Variants in LINGO2 observed in about 807,000 individuals in gnomAD.
The protein encoded by LINGO2 is leucine-rich repeat and immunoglobulin-like domain-containing nogo receptor-interacting protein 2.
Under a neutral mutation model 30.6 loss-of-function variants are expected in LINGO2, and 14 were observed. That is an observed-to-expected ratio of 0.46 (90% CI 0.30 to 0.72). The LOEUF (loss-of-function observed/expected upper bound fraction) is 0.72, where lower values mean the gene tolerates loss of function less well. Among genes scored for constraint, LINGO2 ranks in the 30% least tolerant of loss-of-function variants. The pLI, the probability that LINGO2 is intolerant of heterozygous loss-of-function variation, is 0.07. For synonymous variants in LINGO2, 317 were observed against 288.5 expected, an observed-to-expected ratio of 1.10 and a Z score of -1.00; for missense variants, 729 against 751.7, an observed-to-expected ratio of 0.97 and a Z score of 0.35.
At chr9:28,887,306 G>C in the LINGO2 span, among the ~76,000 whole-genome samples, 1 of 151,820 alleles carries the variant, frequency 6.6e-6, no homozygotes, top group Non-Finnish European at 1.5e-5. Flanking sequence ...GAAAGTCAAG[G>C]GTCAGATGAG....
intron 1 of LINGO2, among the ~76,000 whole-genome samples, chr9:28,520,233 T>C (rs541957765): frequency 1.3e-5 from 2 of 152,258 alleles, no homozygotes; most frequent in East Asian, 3.9e-4. Context: ...CAGGTGTCTT[T>C]GTTTTAGTCT....
chr9:28,387,494 T>C (rs1821635430), intron 2 of LINGO2, among the ~76,000 whole-genome samples: 1 of 152,218 alleles, frequency 6.6e-6, no homozygotes, highest in South Asian at 2.1e-4. Context: ...TGGGGGCCCC[T>C]TCCACGTTGT....
chr9:28,520,852 A>G (rs16913288), intron 1 of LINGO2, among the ~76,000 whole-genome samples: 7,898 of 152,240 alleles, frequency 0.052, 505 homozygotes, highest in African/African-American at 0.15. Context: ...TCCTTTACAT[A>G]TGCCTTAGAG....
chr9:28,014,401 GA>G (rs1822717056), intron 4 of LINGO2, among the ~76,000 whole-genome samples: 1 of 152,066 alleles, frequency 6.6e-6, no homozygotes, highest in Admixed American at 6.6e-5. Context: ...ACCTAGATTA[GA>G]AAACAGAAGA....
chr9:28,784,202 G>A, the LINGO2 span, among the ~76,000 whole-genome samples: 1 of 152,138 alleles, frequency 6.6e-6, no homozygotes, highest in Non-Finnish European at 1.5e-5. Context: ...AGGAGAGATT[G>A]GTGTGTGTTT....
chr9:28,736,052 A>G, the LINGO2 span, among the ~76,000 whole-genome samples: 2 of 152,200 alleles, frequency 1.3e-5, no homozygotes, highest in African/African-American at 2.4e-5. Flanking sequence ...CAAAAGAAAC[A>G]CTGAGGAAGA....
At chr9:28,012,974 T>A (rs1563911581) in intron 4 of LINGO2, among the ~76,000 whole-genome samples, 1 of 152,010 alleles carries the variant, frequency 6.6e-6, no homozygotes, top group Non-Finnish European at 1.5e-5. Flanking sequence ...CGGAATTACA[T>A]AAAGAATGCT....
intron 1 of LINGO2, among the ~76,000 whole-genome samples, chr9:28,490,583 A>T (rs1342639069): frequency 6.6e-6 from 1 of 152,194 alleles, no homozygotes; most frequent in Non-Finnish European, 1.5e-5. Context: ...GATTTCCTAA[A>T]GGTAATCTTG....
chr9:29,009,355 C>T, the LINGO2 span, among the ~76,000 whole-genome samples: 62 of 152,198 alleles, frequency 4.1e-4, no homozygotes, highest in African/African-American at 1.2e-3. Context: ...AAAAAATCAA[C>T]GTGCAAAAAT....
the LINGO2 span, among the ~76,000 whole-genome samples, chr9:28,744,628 G>C: frequency 6.9e-6 from 1 of 144,558 alleles, no homozygotes; most frequent in African/African-American, 2.6e-5. Flanking sequence ...GTGTGTGTGT[G>C]TGTGTGTGTG....
chr9:28,739,437 T>C, the LINGO2 span, among the ~76,000 whole-genome samples: 3 of 151,872 alleles, frequency 2.0e-5, no homozygotes. Context: ...TTGTAACAAA[T>C]AGAAATCATG....
intron 2 of LINGO2, among the ~76,000 whole-genome samples, chr9:28,434,494 T>C (rs1823834198): frequency 1.3e-5 from 2 of 149,968 alleles, no homozygotes; most frequent in African/African-American, 2.5e-5. Flanking sequence ...CTATCTATCT[T>C]GTAAGAGCAC....
At chr9:29,021,260 G>A in the LINGO2 span, among the ~76,000 whole-genome samples, 1 of 152,108 alleles carries the variant, frequency 6.6e-6, no homozygotes, top group Non-Finnish European at 1.5e-5. Flanking sequence ...AGCAGGAAGA[G>A]AAAAAGGGAA....
At chr9:28,541,749 T>C (rs1821708606) in intron 1 of LINGO2, among the ~76,000 whole-genome samples, 2 of 152,178 alleles carry the variant, frequency 1.3e-5, no homozygotes, top group Non-Finnish European at 2.9e-5. Context: ...AGGGAGCAGA[T>C]GGCCAATTTG....
the LINGO2 span, among the ~76,000 whole-genome samples, chr9:29,060,478 C>G: frequency 6.6e-6 from 1 of 151,588 alleles, no homozygotes; most frequent in Admixed American, 6.6e-5. Context: ...ATAACAAGAC[C>G]CAGAGATCAA....
intron 5 of LINGO2, among the ~76,000 whole-genome samples, chr9:27,955,935 C>CTTTTTTTTTTT (rs532878364): frequency 9.4e-6 from 1 of 106,770 alleles, no homozygotes; most frequent in Non-Finnish European, 1.8e-5. Flanking sequence ...TGGATACTGA[C>CTTTTTTTTTTT]TTTTTTTTTT....
intron 4 of LINGO2, among the ~76,000 whole-genome samples, chr9:28,155,946 C>T (rs551337621): frequency 1.3e-5 from 2 of 152,192 alleles, no homozygotes; most frequent in African/African-American, 4.8e-5. Flanking sequence ...GACTTCCCAG[C>T]CTCAGAACTG....
At chr9:28,074,899 T>C (rs1374209781) in intron 4 of LINGO2, among the ~76,000 whole-genome samples, 1 of 151,754 alleles carries the variant, frequency 6.6e-6, no homozygotes, top group African/African-American at 2.4e-5. Context: ...TTTTTCTCTT[T>C]GTTCTTTTAA....
the LINGO2 span, among the ~76,000 whole-genome samples, chr9:29,133,446 G>A: frequency 6.6e-6 from 1 of 151,994 alleles, no homozygotes; most frequent in Non-Finnish European, 1.5e-5. Flanking sequence ...AAAGAACCTT[G>A]AACATTAGTT....
Sources: allele counts gnomAD v4.1 joint callset (sites outside exome capture counted in the v4.1 genomes callset), GRCh38; gene constraint gnomAD v4.1.1; transcripts MANE v1.5; gene names NCBI Gene and HGNC (gene_info 2026-07-23, HGNC 2026-07-21).